Variants in E2F7 observed in about 807,000 individuals in gnomAD.
E2F7 encodes E2F transcription factor 7.
In E2F7, 35 loss-of-function variants were observed where a neutral mutation model predicts 81.1. The observed-to-expected ratio is 0.43, with a 90% CI of 0.33 to 0.57. The LOEUF (loss-of-function observed/expected upper bound fraction) is 0.57, where lower values mean the gene tolerates loss of function less well. Ranked by LOEUF, E2F7 falls within the 20% of genes least tolerant of loss-of-function variation. E2F7 has a pLI of 0.04. For synonymous variants in E2F7, 416 were observed against 416.2 expected, an observed-to-expected ratio of 1.00 and a Z score of 0.01; for missense variants, 961 against 1,093.7, an observed-to-expected ratio of 0.88 and a Z score of 1.71.
chr12:77,035,145 T>C (rs1306525322), intron 7 of E2F7, among the ~76,000 whole-genome samples: 1 of 152,134 alleles, frequency 6.6e-6, no homozygotes, highest in Non-Finnish European at 1.5e-5. Flanking sequence ...GCCTGGAGAA[T>C]GTTTCTAGGT....
chr12:77,046,348 T>G lies in E2F7; in HGVS notation c.539-20A>C. ...CCACACCTGTTTGAAAAACAGAGGC[T>G]GATGGACATCATGCAGACAAACATT... On this transcript the variant is annotated intron_variant, in intron 4 of 12. Coordinates refer to ENST00000322886, the MANE Select transcript of E2F7 (RefSeq NM_203394.3). 6.2e-7 allele frequency: 1 copy of G among 1,602,534 alleles called. No homozygotes were observed. The highest frequency in any genetic ancestry group is 2.2e-5 in the East Asian group (1 of 44,694).
intron 3 of E2F7, among the ~76,000 whole-genome samples, chr12:77,053,557 C>G (rs1955007019): frequency 6.6e-6 from 1 of 152,158 alleles, no homozygotes; most frequent in South Asian, 2.1e-4. Flanking sequence ...CTGAGGTCCC[C>G]AGATGACCTT....
At chr12:77,061,056 C>T (rs758309112) in intron 2 of E2F7, among the ~76,000 whole-genome samples, 1 of 152,138 alleles carries the variant, frequency 6.6e-6, no homozygotes, top group Non-Finnish European at 1.5e-5. Context: ...TCTGATTGTG[C>T]CTTCTCAGCC....
intron 11 of E2F7, 123 bp downstream of exon 11, chr12:77,027,760 G>A (rs1405645822): frequency 7.6e-7 from 1 of 1,322,800 alleles, no homozygotes; most frequent in African/African-American, 1.5e-5. Flanking sequence ...AAGGGGCTAA[G>A]AGTAAAATGA....
At chr12:77,047,073 C>T (rs1954949350) in intron 4 of E2F7, among the ~76,000 whole-genome samples, 1 of 152,168 alleles carries the variant, frequency 6.6e-6, no homozygotes, top group African/African-American at 2.4e-5. Flanking sequence ...AACACAGAGA[C>T]TCCAGTACAA....
intron 7 of E2F7, among the ~76,000 whole-genome samples, chr12:77,034,713 A>G (rs1242258665): frequency 6.6e-6 from 1 of 152,218 alleles, no homozygotes; most frequent in African/African-American, 2.4e-5. Context: ...TCCTTGTTGT[A>G]CAGACAGTCA....
chr12:77,030,436 C>T, intron 9 of E2F7, 104 bp from the exon 10 acceptor site: 1 of 1,402,740 alleles, frequency 7.1e-7, no homozygotes, highest in Non-Finnish European at 9.5e-7. Context: ...GATAATACTC[C>T]TCAGGCAGAT....
At chr12:77,043,754 T>C (rs997181455) in intron 6 of E2F7, among the ~76,000 whole-genome samples, 3 of 152,042 alleles carry the variant, frequency 2.0e-5, no homozygotes, top group Admixed American at 2.0e-4. Context: ...TGAGAAGGGG[T>C]TGGATGGGCC....
intron 2 of E2F7, among the ~76,000 whole-genome samples, chr12:77,061,786 C>G (rs1013425151): frequency 2.0e-5 from 3 of 152,190 alleles, no homozygotes; most frequent in Non-Finnish European, 4.4e-5. Flanking sequence ...AACTCAGCAC[C>G]ACTAGCTTCC....
chr12:77,024,987 T>C (rs781393590), intron 12 of E2F7, among the ~76,000 whole-genome samples: 1 of 152,134 alleles, frequency 6.6e-6, no homozygotes, highest in South Asian at 2.1e-4. Flanking sequence ...CATTAACTTA[T>C]ATTGATAACG....
chr12:77,052,919 A>C (rs1422506622), intron 3 of E2F7, among the ~76,000 whole-genome samples: 1 of 152,196 alleles, frequency 6.6e-6, no homozygotes, highest in African/African-American at 2.4e-5. Context: ...AAAGAAGCTT[A>C]ATCTCATGAG....
rs376409006 is a variant in E2F7, at chr12:77,025,977, T to C, written c.2146A>G (p.Asn716Asp). 2.1e-5 allele frequency: 33 copies of C among 1,601,628 alleles called. No individual in the cohort carries two copies. The highest frequency in any genetic ancestry group is 2.6e-5 in the Non-Finnish European group (31 of 1,173,768). The change falls in exon 12 of 13, where the codon AAT becomes GAT. Residue 716 changes from asparagine to aspartate, a missense_variant. Physicochemically the swap from Asn to Asp is conservative, Grantham distance 23. Coordinates refer to ENST00000322886, the MANE Select transcript of E2F7 (RefSeq NM_203394.3). Reference protein sequence around the residue: ...YLCVQSPAGLNGFNVLLSGSQ... With the variant: ...YLCVQSPAGLDGFNVLLSGSQ... ...CCAGATAAAAGTACATTGAAACCAT[T>C]TAATCCTGAAAGAAAAGCAGAACAG...
At chr12:77,027,395 G>T (rs973804497) in intron 11 of E2F7, among the ~76,000 whole-genome samples, 1 of 152,112 alleles carries the variant, frequency 6.6e-6, no homozygotes, top group Non-Finnish European at 1.5e-5. Context: ...TATGAAGCAG[G>T]TGCTATTATT....
intron 3 of E2F7, among the ~76,000 whole-genome samples, chr12:77,051,434 T>C (rs573243440): frequency 6.6e-6 from 1 of 151,932 alleles, no homozygotes. Flanking sequence ...CAGTCATTCA[T>C]GATTTTCAAA....
chr12:77,063,739 G>C (rs747376214), intron 2 of E2F7, among the ~76,000 whole-genome samples: 1 of 152,188 alleles, frequency 6.6e-6, no homozygotes, highest in Non-Finnish European at 1.5e-5. Context: ...AGGCTCATAT[G>C]AGCCTGGGTT....
At position 77,025,892 on chromosome 12, in the gene E2F7, G is replaced by C. The variant is rs533675655; in HGVS notation, c.2231C>G (p.Pro744Arg). 5 of 1,614,142 alleles carry C rather than the reference G, an allele frequency of 3.1e-6. No homozygotes were observed. In the South Asian group the frequency reaches 5.5e-5, roughly 18 times the overall value. The change falls in exon 12 of 13, where the codon CCT (proline) becomes CGT (arginine). Residue 744 changes from proline (P) to arginine (R), a missense_variant. Physicochemically the swap from Pro to Arg is moderately radical, Grantham distance 103. Around this residue, in one of 3 missense-constraint regions of E2F7, gnomAD observed 587 missense variants for 620.3 expected, o/e 0.95. Transcript: ENST00000322886. The part of the protein sequence containing the change: ...SSGQLPSFSV[P>R]CMVLPSPPLG... Reference sequence around the variant, plus strand: ...AGGTGGAGATGGTAAGACCATGCAAGGGACACTGAAAGACGGCAGCTGACC... The same window carrying C: ...AGGTGGAGATGGTAAGACCATGCAACGGACACTGAAAGACGGCAGCTGACC...
chr12:77,024,144 A>T lies in E2F7; in HGVS notation c.2607T>A (p.His869Gln). ...PVTPKSIQRT[H>Q]RETFFKTPGS... ...CGGGTGTCTTGAAAAACGTCTCACG[A>T]TGTGTGCGTTGGATGCTCTTGGGGG... Residue 869 changes from histidine (H) to glutamine (Q), a missense_variant, in exon 13 of 13, where the codon CAT becomes CAA. Physicochemically the swap from His to Gln is conservative, Grantham distance 24. Around this residue, in one of 3 missense-constraint regions of E2F7, gnomAD observed 587 missense variants for 620.3 expected, o/e 0.95. Coordinates refer to ENST00000322886, the MANE Select transcript of E2F7 (RefSeq NM_203394.3). 1 of 1,613,784 alleles carries T rather than the reference A, an allele frequency of 6.2e-7. No homozygotes were observed. Among genetic ancestry groups the T allele is most frequent in the Non-Finnish European group, 8.5e-7 (1 of 1,179,924 alleles).
intron 3 of E2F7, among the ~76,000 whole-genome samples, chr12:77,054,767 T>A (rs1400383758): frequency 6.6e-6 from 1 of 152,130 alleles, no homozygotes; most frequent in Non-Finnish European, 1.5e-5. Flanking sequence ...TATATTTTTG[T>A]CAAAAAAATT....
At chr12:77,039,123 G>A (rs1234131120) in intron 7 of E2F7, among the ~76,000 whole-genome samples, 2 of 152,124 alleles carry the variant, frequency 1.3e-5, no homozygotes, top group East Asian at 1.9e-4. Flanking sequence ...CTAGAGAAAG[G>A]ATAATATTTT....
Sources: gnomAD v4.1 joint callset for allele counts (sites outside exome capture counted in the v4.1 genomes callset) on GRCh38, gnomAD v4.1.1 for gene constraint, gnomAD v4.1.1 regional missense constraint, MANE v1.5 for transcripts, NCBI Gene and HGNC (gene_info 2026-07-23, HGNC 2026-07-21) for gene names.